The following RNF130 variants were observed in gnomAD, a reference collection of about 807,000 sequenced individuals.
RNF130 encodes the protein ring finger protein 130.
RNF130 carries 21 observed loss-of-function variants against 44.6 expected under a neutral mutation model. The ratio of observed to expected loss-of-function variants is 0.47; its 90% CI spans 0.33 to 0.68. The LOEUF is 0.68. Among genes scored for constraint, RNF130 ranks in the 30% least tolerant of loss-of-function variants. The pLI is 0.02. For synonymous variants in RNF130, 214 were observed against 210.4 expected (o/e 1.02, Z -0.15); for missense variants, 479 against 560.6 (o/e 0.85, Z 1.47).
intron 2 of RNF130, among the ~76,000 whole-genome samples, chr5:180,022,125 A>G (rs1265232920): frequency 6.6e-6 from 1 of 152,088 alleles, no homozygotes; most frequent in Non-Finnish European, 1.5e-5. Context: ...GGCGGCCGAG[A>G]GCTTTTTTTT....
intron 7 of RNF130, among the ~76,000 whole-genome samples, chr5:179,929,877 C>G (rs188958970): frequency 6.6e-6 from 1 of 152,096 alleles, no homozygotes; most frequent in Non-Finnish European, 1.5e-5. Flanking sequence ...TCCATAGTAT[C>G]GTGTCACTCA....
chr5:180,033,463 C>A (rs907693881), intron 2 of RNF130, among the ~76,000 whole-genome samples: 1 of 152,154 alleles, frequency 6.6e-6, no homozygotes, highest in Non-Finnish European at 1.5e-5. Flanking sequence ...GTGGCTCATG[C>A]CTGTAATCGC....
exon 8 of RNF130, chr5:179,916,380 A>C (rs1761545063): frequency 6.6e-6 from 1 of 152,232 alleles, no homozygotes; most frequent in Non-Finnish European, 1.5e-5. Context: ...CCTCTAAAAA[A>C]ATAAAAATAT....
chr5:180,063,925 G>A (rs866821450), intron 1 of RNF130, among the ~76,000 whole-genome samples: 1 of 152,268 alleles, frequency 6.6e-6, no homozygotes, highest in Middle Eastern at 3.4e-3. Flanking sequence ...GAAGAGAAGT[G>A]AGAAGCCAGG....
At chr5:179,920,353 T>C (rs946728729) in exon 8 of RNF130, 2 of 702,148 alleles carry the variant, frequency 2.8e-6, no homozygotes, top group African/African-American at 3.5e-5. Flanking sequence ...CCAAAGAAGG[T>C]TCGATGGTGG....
chr5:180,066,403 C>A (rs1252828660), intron 1 of RNF130, among the ~76,000 whole-genome samples: 1 of 152,178 alleles, frequency 6.6e-6, no homozygotes, highest in Non-Finnish European at 1.5e-5. Flanking sequence ...TCTTCCCAGT[C>A]TCAGGTATGT....
At chr5:180,029,483 A>G (rs144226373) in intron 2 of RNF130, among the ~76,000 whole-genome samples, 54 of 152,364 alleles carry the variant, frequency 3.5e-4, no homozygotes, top group African/African-American at 1.3e-3. Context: ...TAAAAGCTCT[A>G]ACCAAGAACC....
chr5:180,026,027 C>T (rs2113113132), intron 2 of RNF130, among the ~76,000 whole-genome samples: 1 of 150,966 alleles, frequency 6.6e-6, no homozygotes, highest in East Asian at 1.9e-4. Flanking sequence ...CTATTCAATG[C>T]TAGATAATAA....
intron 7 of RNF130, among the ~76,000 whole-genome samples, chr5:179,923,713 G>A (rs1761665265): frequency 6.6e-6 from 1 of 152,124 alleles, no homozygotes. Flanking sequence ...ATCCAACCAC[G>A]GTGCAGCCCT....
At chr5:179,956,862 G>A (rs960103941) in intron 8 of RNF130, among the ~76,000 whole-genome samples, 1 of 152,202 alleles carries the variant, frequency 6.6e-6, no homozygotes, top group Non-Finnish European at 1.5e-5. Context: ...TGCGAGCCCC[G>A]TGCTTGGCAC....
At chr5:179,951,288 C>T (rs1400775429), downstream of RNF130, among the ~76,000 whole-genome samples, 2 of 152,118 alleles carry the variant, frequency 1.3e-5, no homozygotes, top group African/African-American at 4.8e-5. Context: ...AATTCTAGAA[C>T]TACAGAGAAG....
chr5:180,049,913 C>A (rs139479443), intron 1 of RNF130, among the ~76,000 whole-genome samples: 1 of 152,016 alleles, frequency 6.6e-6, no homozygotes, highest in Admixed American at 6.6e-5. Flanking sequence ...TAGTGCCTAC[C>A]CTTAAAATGT....
intron 1 of RNF130, among the ~76,000 whole-genome samples, chr5:180,057,542 A>G (rs1323165769): frequency 6.6e-6 from 1 of 151,680 alleles, no homozygotes. Flanking sequence ...AGCGAAACTC[A>G]GTCTCAAAAA....
chr5:179,974,953 G>A (rs1762684647), intron 5 of RNF130, among the ~76,000 whole-genome samples: 2 of 152,266 alleles, frequency 1.3e-5, no homozygotes, highest in South Asian at 2.1e-4. Context: ...CAATGGTGAA[G>A]CGGTCCTCTG....
At chr5:179,916,747 G>A (rs943097740) in exon 8 of RNF130, 1 of 152,376 alleles carries the variant, frequency 6.6e-6, no homozygotes, top group Non-Finnish European at 1.5e-5. Context: ...GAGGAGGGCA[G>A]AGGCAGGCAG....
intron 5 of RNF130, among the ~76,000 whole-genome samples, chr5:179,974,090 G>A (rs1270056412): frequency 1.3e-5 from 2 of 152,238 alleles, no homozygotes; most frequent in East Asian, 1.9e-4. Context: ...GCCTCTTGGT[G>A]CCATGTAAGA....
At chr5:180,014,934 T>G (rs1266398396) in intron 2 of RNF130, among the ~76,000 whole-genome samples, 1 of 152,068 alleles carries the variant, frequency 6.6e-6, no homozygotes, top group Non-Finnish European at 1.5e-5. Context: ...TGCAGTGAGC[T>G]GAGATCACGC....
chr5:180,070,598 G>A (rs143017080), intron 1 of RNF130, among the ~76,000 whole-genome samples: 1 of 152,336 alleles, frequency 6.6e-6, no homozygotes, highest in East Asian at 1.9e-4. Flanking sequence ...GTGACAATGA[G>A]GGTGGGGATA....
In RNF130 at chr5:180,071,720, C is replaced by T. The variant is rs1765277583; in HGVS notation, c.-18G>A. 5 of 1,242,458 alleles carry T rather than the reference C, an allele frequency of 4.0e-6. No homozygotes were observed. The South Asian group carries it at 9.2e-5, about 23-fold the overall frequency. The allele number at this position is 1,242,458 out of a possible 1,614,324, so 77.0% of individuals were successfully genotyped here. ...CAGCTCATCGTCCCTCCGGCAGCCG[C>T]CGCTGCTCGCGGACCGGGCTCCGGG... On this transcript the variant is annotated 5_prime_UTR_variant, in exon 1 of 9. Coordinates refer to ENST00000521389, the MANE Select transcript of RNF130 (RefSeq NM_018434.6).
Sources: gnomAD v4.1 joint callset for allele counts (sites outside exome capture counted in the v4.1 genomes callset) on GRCh38, gnomAD v4.1.1 for gene constraint, MANE v1.5 for transcripts, NCBI Gene and HGNC (gene_info 2026-07-23, HGNC 2026-07-21) for gene names.